The following PDS5B variants were observed in gnomAD, a reference collection of about 807,000 sequenced individuals.
PDS5B encodes PDS5 cohesin associated factor B, also known as sister chromatid cohesion protein PDS5 homolog B.
In PDS5B, 51 loss-of-function variants were observed where a neutral mutation model predicts 184.1. That is an observed-to-expected ratio of 0.28 (90% confidence interval 0.22 to 0.35). The LOEUF (loss-of-function observed/expected upper bound fraction) is 0.35. Ranked by LOEUF, PDS5B falls within the 10% of genes least tolerant of loss-of-function variation. The pLI is 1.00. For synonymous variants in PDS5B, 566 were observed against 569.2 expected (o/e 0.99, Z 0.08); for missense variants, 1,180 against 1,723.3 (o/e 0.68, Z 5.58).
At chr13:32,708,777 A>G (rs1447878996) in intron 18 of PDS5B, among the ~76,000 whole-genome samples, 1 of 151,426 alleles carries the variant, frequency 6.6e-6, no homozygotes. Flanking sequence ...TGACATCTCT[A>G]TCTTTTGTTT....
At chr13:32,672,057 T>A (rs960004236) in intron 7 of PDS5B, among the ~76,000 whole-genome samples, 10 of 152,276 alleles carry the variant, frequency 6.6e-5, no homozygotes, top group African/African-American at 2.4e-4. Flanking sequence ...AGGGAAAAAT[T>A]GTTTAAATTT....
At chr13:32,732,279 T>TA in intron 20 of PDS5B, 55 bp downstream of exon 20, 1 of 1,216,504 alleles carries the variant, frequency 8.2e-7, no homozygotes, top group Non-Finnish European at 1.2e-6. Context: ...ACAAAACAAA[T>TA]ATTGATGATT....
intron 30 of PDS5B, chr13:32,763,362 G>T (rs533102316): frequency 1.3e-5 from 2 of 152,930 alleles, no homozygotes; most frequent in East Asian, 3.9e-4. Flanking sequence ...AAGCAATTAG[G>T]AGTCAGCGAA....
At chr13:32,660,231 AGC>A (rs1950608338) in intron 6 of PDS5B, among the ~76,000 whole-genome samples, 1 of 152,166 alleles carries the variant, frequency 6.6e-6, no homozygotes, top group Non-Finnish European at 1.5e-5. Flanking sequence ...AGAAGGGGGA[AGC>A]TGGCAAGTAG....
chr13:32,655,374 A>ATATATATATATATTTTT lies in PDS5B; in HGVS notation c.313-2864_313-2863insATATATATATATTTTTT. On this transcript the variant is annotated intron_variant, in intron 3 of 34. Coordinates refer to ENST00000315596, the MANE Select transcript of PDS5B (RefSeq NM_015032.4). ...TGTTCTTTGCCATATATATATATAT[A>ATATATATATATATTTTT]TTTTTTTTTTTTTTTTTTTTTTTAG... 2.8e-4 allele frequency among the ~76,000 whole-genome samples: 20 copies of ATATATATATATATTTTT among 72,458 alleles called. 1 individual carries two copies. The highest frequency in any genetic ancestry group is 3.3e-4 in the African/African-American group (4 of 12,088). 47.5% of individuals were successfully genotyped at this position (72,458 alleles called of 152,430 possible).
At chr13:32,774,306 G>T (rs1954887791) in intron 34 of PDS5B, among the ~76,000 whole-genome samples, 1 of 152,100 alleles carries the variant, frequency 6.6e-6, no homozygotes, top group African/African-American at 2.4e-5. Context: ...TCTGTACCAG[G>T]ATTCATATTT....
intron 13 of PDS5B, among the ~76,000 whole-genome samples, chr13:32,692,384 CT>C (rs1486403909): frequency 1.1e-5 from 1 of 91,272 alleles, no homozygotes; most frequent in Non-Finnish European, 2.4e-5. Context: ...GTGATCTTCT[CT>C]TTTATTAAAC....
chr13:32,665,921 T>C (rs765698356), intron 6 of PDS5B, among the ~76,000 whole-genome samples: 7 of 152,104 alleles, frequency 4.6e-5, no homozygotes, highest in East Asian at 1.9e-4. Context: ...AAGACAAATA[T>C]GTTTTCACTC....
At chr13:32,622,832 G>T (rs1388603049) in intron 1 of PDS5B, among the ~76,000 whole-genome samples, 1 of 152,180 alleles carries the variant, frequency 6.6e-6, no homozygotes, top group South Asian at 2.1e-4. Flanking sequence ...GTAGGTGCCT[G>T]TTACAACCCA....
intron 29 of PDS5B, among the ~76,000 whole-genome samples, chr13:32,760,033 G>C (rs2141013538): frequency 6.6e-6 from 1 of 152,110 alleles, no homozygotes; most frequent in Non-Finnish European, 1.5e-5. Flanking sequence ...TCGGCTCACT[G>C]CAAGCTCCGC....
intron 1 of PDS5B, among the ~76,000 whole-genome samples, chr13:32,602,035 A>G (rs1282758546): frequency 7.3e-6 from 1 of 136,358 alleles, no homozygotes; most frequent in Non-Finnish European, 1.7e-5. Context: ...CTCCTTTAGG[A>G]AGTGAATGCA....
chr13:32,646,015 G>A (rs1950213230), intron 1 of PDS5B, among the ~76,000 whole-genome samples: 2 of 151,438 alleles, frequency 1.3e-5, no homozygotes, highest in Non-Finnish European at 2.9e-5. Flanking sequence ...GTGGTGTGTG[G>A]TGTGTGTTGA....
At chr13:32,678,638 T>C (rs1349997229) in intron 9 of PDS5B, among the ~76,000 whole-genome samples, 197 bp from the exon 10 acceptor site, 2 of 152,218 alleles carry the variant, frequency 1.3e-5, no homozygotes, top group African/African-American at 4.8e-5. Context: ...AGGAGATTGC[T>C]CTAGTTTGTA....
intron 19 of PDS5B, among the ~76,000 whole-genome samples, chr13:32,727,049 T>TA (rs1952926372): frequency 6.6e-6 from 1 of 152,220 alleles, no homozygotes; most frequent in Non-Finnish European, 1.5e-5. Context: ...TGGGAGTGCT[T>TA]AGAGCATTTA....
chr13:32,755,861 AC>A lies in PDS5B; in HGVS notation c.2963del (p.Pro988GlnfsTer41). ...TTTCAGAAAAATTATTGTCTCTTCT[AC>A]CAGAGTATGTTGTTCCATATACAAT... Reference protein sequence around the residue: ...AVSEKLLSLLPEYVVPYTIHL... With the variant: ...AVSEKLLSLLXEYVVPYTIHL... On this transcript the variant is annotated frameshift_variant, in exon 26 of 35. Coordinates refer to ENST00000315596, the MANE Select transcript of PDS5B (RefSeq NM_015032.4). LOFTEE classifies it high-confidence loss of function. 7.0e-7 allele frequency: 1 copy of A among 1,427,042 alleles called. No individual in the cohort carries two copies. Among genetic ancestry groups the A allele is most frequent in the Non-Finnish European group, 9.5e-7 (1 of 1,048,494 alleles). 88.4% of individuals were successfully genotyped at this position (1,427,042 alleles called of 1,614,324 possible).
At chr13:32,656,661 A>G (rs1209233197) in intron 3 of PDS5B, among the ~76,000 whole-genome samples, 1 of 151,172 alleles carries the variant, frequency 6.6e-6, no homozygotes, top group Non-Finnish European at 1.5e-5. Context: ...CAGTAGCACA[A>G]TCTTGGCTCA....
chr13:32,695,658 T>C (rs1435769814), intron 14 of PDS5B, among the ~76,000 whole-genome samples: 2 of 152,048 alleles, frequency 1.3e-5, no homozygotes, highest in African/African-American at 4.8e-5. Context: ...ATAAATCATA[T>C]GTTGAACAGC....
intron 13 of PDS5B, among the ~76,000 whole-genome samples, chr13:32,691,929 T>G (rs976691815): frequency 3.9e-5 from 6 of 152,252 alleles, no homozygotes; most frequent in African/African-American, 1.4e-4. Context: ...GCAGGTAATA[T>G]TGATCTTTTA....
intron 13 of PDS5B, among the ~76,000 whole-genome samples, chr13:32,691,894 T>G (rs1055939646): frequency 7.2e-5 from 11 of 152,120 alleles, no homozygotes; most frequent in Non-Finnish European, 1.6e-4. Flanking sequence ...AGTATCAAAT[T>G]TTCTTATCTT....
Sources: gnomAD v4.1 joint callset for allele counts (sites outside exome capture counted in the v4.1 genomes callset) on GRCh38, gnomAD v4.1.1 for gene constraint, MANE v1.5 for transcripts, NCBI Gene and HGNC (gene_info 2026-07-23, HGNC 2026-07-21) for gene names.